INCENP: variants seen among roughly 807,000 people sequenced by gnomAD.
INCENP encodes the protein binds and activates aurora-B and -C in vivo and in vitro.
Under a neutral mutation model 107.3 loss-of-function variants are expected in INCENP, and 43 were observed. That is an observed-to-expected ratio of 0.40 (90% CI 0.31 to 0.52). INCENP has a LOEUF of 0.52. Among genes scored for constraint, INCENP ranks in the 20% least tolerant of loss-of-function variants. INCENP has a pLI of 0.53. For synonymous variants in INCENP, 488 were observed against 494.4 expected, an observed-to-expected ratio of 0.99 and a Z score of 0.17; for missense variants, 1,089 against 1,250.9, an observed-to-expected ratio of 0.87 and a Z score of 1.95.
chr11:62,149,414 C>T (rs535719586), intron 17 of INCENP, among the ~76,000 whole-genome samples: 1 of 152,156 alleles, frequency 6.6e-6, no homozygotes, highest in South Asian at 2.1e-4. Flanking sequence ...TGTTACCAAA[C>T]AAAACAATGT....
intron 15 of INCENP, among the ~76,000 whole-genome samples, chr11:62,147,569 A>G (rs1184734162): frequency 6.6e-6 from 1 of 152,202 alleles, no homozygotes; most frequent in East Asian, 1.9e-4. Flanking sequence ...GTCTGTGTGC[A>G]CAGAAGTAGA....
At chr11:62,134,999 T>C (rs1943961784) in intron 4 of INCENP, among the ~76,000 whole-genome samples, 1 of 151,884 alleles carries the variant, frequency 6.6e-6, no homozygotes, top group Admixed American at 6.6e-5. Context: ...TACAGTGAGC[T>C]GAATTCACGC....
intron 3 of INCENP, 65 bp from the exon 4 acceptor site, chr11:62,129,717 T>G: frequency 3.0e-6 from 4 of 1,340,950 alleles, no homozygotes; most frequent in Non-Finnish European, 4.1e-6. Context: ...TGGTGGCTCT[T>G]GGAGAGACTG....
Position 62,146,906 on chromosome 11 carries a change from A to G in INCENP, c.2204+4A>G. 6.2e-7 allele frequency: 1 copy of G among 1,600,906 alleles called. No homozygotes were observed. Among genetic ancestry groups the G allele is most frequent in the Non-Finnish European group, 8.5e-7 (1 of 1,178,864 alleles). On this transcript the variant is annotated splice_donor_region_variant and intron_variant, in intron 15 of 18. Transcript: ENST00000394818. ...AGGAGCGGCTCCAGGCCGAGAGGTG[A>G]GGGACCTGCTGGCCCGCCTGCCTGC...
chr11:62,141,480 T>C lies in INCENP; in HGVS notation c.1594-20T>C. 4 of 1,613,990 alleles carry C rather than the reference T, an allele frequency of 2.5e-6. No homozygotes were observed. The highest frequency in any genetic ancestry group is 3.4e-6 in the Non-Finnish European group (4 of 1,179,856). On this transcript the variant is annotated intron_variant, in intron 10 of 18. Transcript: ENST00000394818. ...CCGGCCTGGCATTAACTCTTGCCTT[T>C]TCCCTTGTCTCCTCCACAGTGCAGC...
intron 11 of INCENP, among the ~76,000 whole-genome samples, chr11:62,143,212 T>TCTCTGTCCAGGG (rs1457601753): frequency 3.6e-4 from 54 of 151,376 alleles, no homozygotes; most frequent in Admixed American, 5.3e-4. Context: ...TTGGCAGCTT[T>TCTCTGTCCAGGG]TCTTCAACTG....
chr11:62,127,374 T>C (rs1943775103), intron 1 of INCENP, among the ~76,000 whole-genome samples: 1 of 152,260 alleles, frequency 6.6e-6, no homozygotes, highest in African/African-American at 2.4e-5. Flanking sequence ...CTGCTAGTTT[T>C]ATAAGAAAGT....
chr11:62,142,645 G>A (rs1944148965), intron 11 of INCENP, among the ~76,000 whole-genome samples: 1 of 152,178 alleles, frequency 6.6e-6, no homozygotes, highest in Non-Finnish European at 1.5e-5. Context: ...TTGCAATTTA[G>A]TAGCAATTGA....
chr11:62,130,849 A>G (rs949331442), intron 4 of INCENP, among the ~76,000 whole-genome samples: 1 of 152,222 alleles, frequency 6.6e-6, no homozygotes, highest in African/African-American at 2.4e-5. Flanking sequence ...AAATAGTTAC[A>G]TGTAGCTAGT....
In INCENP at chr11:62,145,152, T is replaced by C. The variant is rs201141769; in HGVS notation, c.1716-17T>C. The C allele has an allele frequency of 2.4e-5, 39 of 1,613,990 alleles. No homozygotes were observed. Among genetic ancestry groups the C allele is most frequent in the Admixed American group, 1.7e-4 (10 of 60,004 alleles). ...CAGCCTTGGTGGGGCTCCCCATGAC[T>C]ATCCTATGCCCCGCAGGAAGCGTGA... On this transcript the variant is annotated splice_polypyrimidine_tract_variant and intron_variant, in intron 12 of 18. Transcript: ENST00000394818.
rs751814772 is a variant in INCENP, at chr11:62,130,402, C to T, written c.875C>T (p.Thr292Met). Residue 292 changes from threonine to methionine, a missense_variant, in exon 4 of 19, where the codon ACG becomes ATG. Coordinates refer to ENST00000394818, the MANE Select transcript of INCENP (RefSeq NM_001040694.2). ...LAPILPDNFSTPTGSRTDSQS... is the reference protein window; with the variant it reads ...LAPILPDNFSMPTGSRTDSQS... ...CCCATCCTGCCGGATAACTTCTCCA[C>T]GCCCACGGGCTCTCGCACGGACTCT... 38 of 1,613,256 alleles carry T rather than the reference C, an allele frequency of 2.4e-5. No individual in the cohort carries two copies. Among genetic ancestry groups the T allele is most frequent in the Admixed American group, 1.0e-4 (6 of 60,006 alleles).
At position 62,150,164 on chromosome 11, in the gene INCENP, T is replaced by C. The variant is rs761570743; in HGVS notation, c.2499T>C (p.Asp833=). 37 of 1,613,874 alleles carry C rather than the reference T, an allele frequency of 2.3e-5. No individual in the cohort carries two copies. The highest frequency in any genetic ancestry group is 2.7e-5 in the African/African-American group (2 of 74,878). The change falls in exon 18 of 19, where the codon GAT becomes GAC. Residue 833 remains aspartate, a synonymous_variant. Coordinates refer to ENST00000394818, the MANE Select transcript of INCENP (RefSeq NM_001040694.2). Reference sequence around the variant, plus strand: ...ATCTGAATAGCGACGACTCCACCGATGATGAGGCCCATCCCCGGAAGCCCA... The same window carrying C: ...ATCTGAATAGCGACGACTCCACCGACGATGAGGCCCATCCCCGGAAGCCCA... The part of the protein sequence containing the change: ...GMDLNSDDST[D]DEAHPRKPIP...
At chr11:62,151,712 G>T in intron 18 of INCENP, 50 bp from the exon 19 acceptor site, 1 of 1,495,346 alleles carries the variant, frequency 6.7e-7, no homozygotes. Flanking sequence ...AAGGGATGGG[G>T]AGGTTCATGG....
At chr11:62,130,657 G>A in intron 4 of INCENP, 67 bp downstream of exon 4, 1 of 1,382,190 alleles carries the variant, frequency 7.2e-7, no homozygotes, top group Non-Finnish European at 1.0e-6. Context: ...GCTTTCTGAG[G>A]GATCATCTAG....
intron 4 of INCENP, among the ~76,000 whole-genome samples, chr11:62,133,141 C>T (rs1943923606): frequency 6.6e-6 from 1 of 152,104 alleles, no homozygotes; most frequent in African/African-American, 2.4e-5. Flanking sequence ...GGGAGAGGCT[C>T]TCGGGCAGCT....
chr11:62,146,287 C>T (rs1364468142), intron 14 of INCENP, among the ~76,000 whole-genome samples: 3 of 152,176 alleles, frequency 2.0e-5, no homozygotes, highest in African/African-American at 2.4e-5. Context: ...GTGTGCTAGG[C>T]CCTGCTGTGT....
At chr11:62,140,621 A>G in intron 8 of INCENP, 83 bp from the exon 9 acceptor site, 1 of 1,179,984 alleles carries the variant, frequency 8.5e-7, no homozygotes, top group Non-Finnish European at 1.2e-6. Context: ...TGGGCCCGGT[A>G]TTGTTCACCG....
chr11:62,142,598 G>T (rs1749499074), intron 11 of INCENP, among the ~76,000 whole-genome samples: 1 of 152,224 alleles, frequency 6.6e-6, no homozygotes, highest in African/African-American at 2.4e-5. Context: ...TCTGGGTCTT[G>T]TTTAAATCTA....
In INCENP at chr11:62,138,787, G is replaced by C. The variant is rs1284718352; in HGVS notation, c.1173+17G>C. 4 of 1,613,820 alleles carry C rather than the reference G, an allele frequency of 2.5e-6. No individual in the cohort carries two copies. The highest frequency in any genetic ancestry group is 1.1e-5 in the South Asian group (1 of 91,086). On this transcript the variant is annotated intron_variant, in intron 6 of 18. Coordinates refer to ENST00000394818, the MANE Select transcript of INCENP (RefSeq NM_001040694.2). The stretch of plus-strand genomic sequence containing the variant: ...GAGCCAGAGGTAAGACGGCTGCCTG[G>C]GGAAGGGAGGACTCACCTCTGGGGC...
Sources: allele counts gnomAD v4.1 joint callset (sites outside exome capture counted in the v4.1 genomes callset), GRCh38; gene constraint gnomAD v4.1.1; transcripts MANE v1.5; gene names NCBI Gene and HGNC (gene_info 2026-07-23, HGNC 2026-07-21).